The following SMS variants were observed in gnomAD, a reference collection of about 807,000 sequenced individuals.
SMS encodes the protein spermidine aminopropyltransferase.
Under a neutral mutation model 33.0 loss-of-function variants are expected in SMS, and 3 were observed. The observed-to-expected ratio is 0.09, with a 90% CI of 0.04 to 0.23. SMS has a LOEUF of 0.23. Among genes scored for constraint, SMS ranks in the 10% least tolerant of loss-of-function variants. The pLI is 1.00. For missense variants in SMS, 117 were observed against 288.6 expected, an observed-to-expected ratio of 0.41 and a Z score of 4.31; for synonymous variants, 103 against 112.2, an observed-to-expected ratio of 0.92 and a Z score of 0.52.
chrX:21,958,968 C>T (rs938396723), intron 1 of SMS, among the ~76,000 whole-genome samples: 5 of 112,979 alleles, frequency 4.4e-5, no homozygotes, highest in African/African-American at 9.7e-5. Flanking sequence ...CTGAATAGTG[C>T]GTGGATAACC....
At chrX:21,974,248 A>G (rs1394278099) in intron 4 of SMS, among the ~76,000 whole-genome samples, 2 of 112,580 alleles carry the variant, frequency 1.8e-5, no homozygotes, top group Non-Finnish European at 3.8e-5. Context: ...GATGTAAGAT[A>G]ACTAGGTAAT....
In SMS at chrX:21,983,976, G is replaced by T. The variant is rs1203594255; in HGVS notation, c.751-328G>T. Among the ~76,000 whole-genome samples, 13 of 112,303 alleles carry T rather than the reference G, an allele frequency of 1.2e-4. No homozygotes were observed. In the Admixed American group the frequency reaches 1.2e-3, roughly 11 times the overall value. On this transcript the variant is annotated intron_variant, in intron 7 of 10. Coordinates refer to ENST00000404933, the MANE Select transcript of SMS (RefSeq NM_004595.5). ...GATGAAAGTATGAAGTTGGCTTTCAGATAGTAATAGGTATACTTCGTGGAT... is the reference window on the plus strand; with the variant it reads ...GATGAAAGTATGAAGTTGGCTTTCATATAGTAATAGGTATACTTCGTGGAT...
In SMS at chrX:21,979,058, G is replaced by C. The variant is rs1291428444; in HGVS notation, c.750+92G>C. ...CCTTATTAAAACAGCTTTTAGTATA[G>C]TTGGTTGAGAAGATAAATACATCAT... is the stretch of plus-strand genomic sequence containing the variant. On this transcript the variant is annotated intron_variant, in intron 7 of 10. Coordinates refer to ENST00000404933, the MANE Select transcript of SMS (RefSeq NM_004595.5). The C allele has an allele frequency of 6.3e-6, 4 of 637,213 alleles. No individual in the cohort carries two copies. The Admixed American group carries it at 9.2e-5, about 15-fold the overall frequency. The allele number at this position is 637,213 out of a possible 1,213,427, so 52.5% of individuals were successfully genotyped here.
chrX:21,982,099 T>G (rs1056583793), intron 7 of SMS, among the ~76,000 whole-genome samples: 1 of 109,428 alleles, frequency 9.1e-6, no homozygotes, highest in Non-Finnish European at 1.9e-5. Flanking sequence ...TTTGGGAGGC[T>G]GAGGTGGGCG....
At chrX:21,959,545 T>G (rs1374047123) in intron 1 of SMS, among the ~76,000 whole-genome samples, 1 of 112,092 alleles carries the variant, frequency 8.9e-6, no homozygotes, top group Non-Finnish European at 1.9e-5. Context: ...CTTGGTATAA[T>G]TTATGTAAAT....
intron 1 of SMS, among the ~76,000 whole-genome samples, chrX:21,962,402 A>G (rs963342615): frequency 3.6e-5 from 4 of 112,162 alleles, no homozygotes; most frequent in Non-Finnish European, 7.5e-5. Flanking sequence ...AAAGAGTTCT[A>G]ACTTTTTTCA....
intron 4 of SMS, among the ~76,000 whole-genome samples, chrX:21,973,288 G>A (rs188711375): frequency 0.03 from 3,391 of 112,040 alleles, 130 homozygotes; most frequent in African/African-American, 0.11. Context: ...AATAGAAAAA[G>A]TAGCCAGGCG....
At chrX:21,992,437 G>T (rs1247721046) in intron 9 of SMS, among the ~76,000 whole-genome samples, 160 bp from the exon 10 acceptor site, 1 of 112,451 alleles carries the variant, frequency 8.9e-6, no homozygotes, top group Non-Finnish European at 1.9e-5. Context: ...TCTATAAATA[G>T]AATGCAGTGT....
rs535099386 is a variant in SMS at position 21,976,488 on chromosome X, G to A, written c.330-573G>A. On this transcript the variant is annotated intron_variant, in intron 4 of 10. Coordinates refer to ENST00000404933, the MANE Select transcript of SMS (RefSeq NM_004595.5). ...GTGAGAGATTATCAGGTAAACCCACGAGTCATTTTTCAGCAGAATAGCTGG... is the reference window on the plus strand; with the variant it reads ...GTGAGAGATTATCAGGTAAACCCACAAGTCATTTTTCAGCAGAATAGCTGG... 8.2e-5 allele frequency among the ~76,000 whole-genome samples: 9 copies of A among 110,237 alleles called. No individual in the cohort carries two copies. The East Asian group carries it at 1.7e-3, about 21-fold the overall frequency.
In SMS at chrX:21,978,219, T is replaced by C. The variant is rs1404514248; in HGVS notation, c.660+105T>C. On this transcript the variant is annotated intron_variant, in intron 6 of 10. Transcript: ENST00000404933. ...TGTTACCACAGACTAGAGGCAAATG[T>C]GTTACCTAGACTGCCTTGAACAGAC... is the stretch of plus-strand genomic sequence containing the variant. 5.8e-5 allele frequency: 46 copies of C among 788,373 alleles called. No homozygotes were observed. In the Admixed American group the frequency reaches 1.0e-3, roughly 18 times the overall value. 65.0% of individuals were successfully genotyped at this position (788,373 alleles called of 1,213,427 possible). A position where few individuals can be genotyped will look rare whatever the true frequency, so the allele number is the denominator to read the frequency against.
intron 6 of SMS, 87 bp downstream of exon 6, chrX:21,978,201 A>G (rs1924663062): frequency 1.1e-6 from 1 of 943,040 alleles, no homozygotes; most frequent in Non-Finnish European, 1.5e-6. Flanking sequence ...TAATGTTACC[A>G]CAGACTAGAG....
chrX:21,966,152 ATTCTAATGTAATT>A (rs1923707043), intron 1 of SMS, among the ~76,000 whole-genome samples: 2 of 112,208 alleles, frequency 1.8e-5, no homozygotes, highest in South Asian at 7.4e-4. Context: ...TATGGCAGAA[ATTCTAATGTAATT>A]TTCTTGGCAA....
chrX:21,969,524 T>G (rs1923973476), intron 2 of SMS, among the ~76,000 whole-genome samples: 1 of 111,759 alleles, frequency 8.9e-6, no homozygotes, highest in Admixed American at 9.5e-5. Context: ...GTCCATCTTT[T>G]GGGGACTACA....
At chrX:21,948,439 C>CTTTT (rs59082770) in intron 1 of SMS, among the ~76,000 whole-genome samples, 2 of 80,187 alleles carry the variant, frequency 2.5e-5, no homozygotes, top group Admixed American at 1.3e-4. Flanking sequence ...GTCAATGTGT[C>CTTTT]TTTTTTTTTT....
rs1921709423 is a variant in SMS at position 21,940,934 on chromosome X, G to A, written c.49+61G>A. On this transcript the variant is annotated intron_variant, in intron 1 of 10. Coordinates refer to ENST00000404933, the MANE Select transcript of SMS (RefSeq NM_004595.5). ...CGCCGCTCCCGCCGCCTGGCGGGCTGGGGCGGGGGTCGGGCGTGGCGTGCG... is the reference window on the plus strand; with the variant it reads ...CGCCGCTCCCGCCGCCTGGCGGGCTAGGGCGGGGGTCGGGCGTGGCGTGCG... 8.6e-6 allele frequency: 7 copies of A among 809,696 alleles called. No individual in the cohort carries two copies. The South Asian group carries it at 1.7e-4, about 20-fold the overall frequency. 66.7% of individuals were successfully genotyped at this position (809,696 alleles called of 1,213,427 possible). A position where few individuals can be genotyped will look rare whatever the true frequency, so the allele number is the denominator to read the frequency against.
intron 10 of SMS, 114 bp from the exon 11 acceptor site, chrX:21,994,198 T>C: frequency 1.4e-6 from 1 of 717,809 alleles, no homozygotes; most frequent in Non-Finnish European, 2.2e-6. Context: ...CCCACAGTGC[T>C]CTAAGCCATG....
intron 2 of SMS, among the ~76,000 whole-genome samples, chrX:21,970,213 C>G (rs1924034538): frequency 8.9e-6 from 1 of 112,195 alleles, no homozygotes; most frequent in East Asian, 2.8e-4. Context: ...CCTCTCCTAC[C>G]CATGCATGGG....
chrX:21,944,539 A>AAAAAAAAAG (rs776946474), intron 1 of SMS, among the ~76,000 whole-genome samples: 3 of 81,386 alleles, frequency 3.7e-5, no homozygotes, highest in African/African-American at 4.9e-5. Context: ...AAAAAAAAAA[A>AAAAAAAAAG]AAAAAAGAAA....
chrX:21,975,403 A>G (rs1325929283), intron 4 of SMS, among the ~76,000 whole-genome samples: 2 of 112,232 alleles, frequency 1.8e-5, no homozygotes, highest in East Asian at 5.6e-4. Flanking sequence ...AATTGAGAAC[A>G]GGCACTGTTT....
Sources: gnomAD v4.1 joint callset for allele counts (sites outside exome capture counted in the v4.1 genomes callset) on GRCh38, gnomAD v4.1.1 for gene constraint, MANE v1.5 for transcripts, NCBI Gene and HGNC (gene_info 2026-07-23, HGNC 2026-07-21) for gene names.